GALNT16: variants seen among roughly 807,000 people sequenced by gnomAD.
GALNT16 encodes the protein polypeptide N-acetylgalactosaminyltransferase 16, also known as UDP-GalNAc:polypeptide N-acetylgalactosaminyltransferase-like protein 1.
A neutral mutation model predicts 76.1 loss-of-function variants in GALNT16; 40 were observed. The ratio of observed to expected loss-of-function variants is 0.53; its 90% confidence interval spans 0.41 to 0.68. GALNT16 has a LOEUF of 0.68. Ranked by LOEUF, GALNT16 falls within the 30% of genes least tolerant of loss-of-function variation. The pLI, the probability that GALNT16 is intolerant of heterozygous loss-of-function variation, is 0.00. For missense variants in GALNT16, 621 were observed against 731.9 expected (o/e 0.85, Z 1.75); for synonymous variants, 276 against 285.2 (o/e 0.97, Z 0.32).
At position 69,333,035 on chromosome 14, in the gene GALNT16, A is replaced by G. The variant is rs1345124126; in HGVS notation, c.779-50A>G. ...GGGTGGTGGAGTGAAGGGTCTCAGC[A>G]GCCCGCAGCTCTGCCCTGAGCTCTG... On this transcript the variant is annotated intron_variant, in intron 7 of 14. Transcript: ENST00000448469. This position sits in a 1 kb window ranked among gnomAD's most constrained non-coding sequence, Gnocchi z 4.2. 3 of 1,324,386 alleles carry G rather than the reference A, an allele frequency of 2.3e-6. No homozygotes were observed. Among genetic ancestry groups the G allele is most frequent in the South Asian group, 2.3e-5 (2 of 85,334 alleles). The allele number at this position is 1,324,386 out of a possible 1,614,324, so 82.0% of individuals were successfully genotyped here. A position where few individuals can be genotyped will look rare whatever the true frequency, so the allele number is the denominator to read the frequency against.
chr14:69,378,890 A>G, the GALNT16 span, among the ~76,000 whole-genome samples: 478 of 152,308 alleles, frequency 3.1e-3, 4 homozygotes, highest in African/African-American at 0.011. Flanking sequence ...AAACAGGACA[A>G]TCAGATTACT....
intron 14 of GALNT16, chr14:69,351,290 G>A (rs941973133): frequency 6.6e-6 from 1 of 152,268 alleles, no homozygotes. Flanking sequence ...GAGAAAAGTC[G>A]GGACCAGGCA....
At chr14:69,269,810 T>TTG (rs148660523) in intron 1 of GALNT16, among the ~76,000 whole-genome samples, 48 of 144,484 alleles carry the variant, frequency 3.3e-4, no homozygotes, top group Middle Eastern at 3.2e-3. Context: ...ATTTGTGTGT[T>TTG]TGTGTGTGTG....
At chr14:69,267,764 G>A (rs1015724071) in intron 1 of GALNT16, among the ~76,000 whole-genome samples, 3 of 152,114 alleles carry the variant, frequency 2.0e-5, no homozygotes, top group African/African-American at 7.2e-5. Context: ...GTTTCCTTAG[G>A]TGAGTCAGTC....
At chr14:69,365,510 A>C in the GALNT16 span, among the ~76,000 whole-genome samples, 1 of 152,190 alleles carries the variant, frequency 6.6e-6, no homozygotes, top group Non-Finnish European at 1.5e-5. Context: ...ATTCTCAGCA[A>C]ACTAATGCAG....
the GALNT16 span, among the ~76,000 whole-genome samples, chr14:69,365,884 T>C: frequency 2.2e-4 from 33 of 152,182 alleles, no homozygotes; most frequent in African/African-American, 7.7e-4. Flanking sequence ...GACACAGCAG[T>C]AGACAACATA....
In GALNT16 at chr14:69,342,943, G is replaced by A. The variant is rs1320645643; in HGVS notation, c.1271+1179G>A. On this transcript the variant is annotated intron_variant, in intron 12 of 14. Coordinates refer to ENST00000448469, the MANE Select transcript of GALNT16 (RefSeq NM_001168368.2). The stretch of plus-strand genomic sequence containing the variant: ...GTTCCTTGTAGCCGTTATTATCATC[G>A]GCATTATCTGGCCAATTAATTTTGT... 3.3e-5 allele frequency among the ~76,000 whole-genome samples: 5 copies of A among 152,086 alleles called. No individual in the cohort carries two copies. The East Asian group carries it at 5.8e-4, about 18-fold the overall frequency.
Position 69,261,925 on chromosome 14 carries a change from A to G in GALNT16, c.177+1458A>G, listed in dbSNP as rs1033978868. On this transcript the variant is annotated intron_variant, in intron 1 of 14. Coordinates refer to ENST00000448469, the MANE Select transcript of GALNT16 (RefSeq NM_001168368.2). This position sits in a 1 kb window ranked among gnomAD's most constrained non-coding sequence, Gnocchi z 6.4. ...TCTCCCAGGACACTGTTTCCAAAGC[A>G]CTTGTCGCCCTTTGGACAGAAAACT... Among the ~76,000 whole-genome samples the G allele has an allele frequency of 1.3e-5, 2 of 152,160 alleles. No individual in the cohort carries two copies. The highest frequency in any genetic ancestry group is 4.8e-5 in the African/African-American group (2 of 41,424).
At chr14:69,306,147 GT>G (rs1192727484) in intron 1 of GALNT16, among the ~76,000 whole-genome samples, 1 of 152,152 alleles carries the variant, frequency 6.6e-6, no homozygotes, top group African/African-American at 2.4e-5. Flanking sequence ...CCATACTGTT[GT>G]TTGATGACTG....
intron 1 of GALNT16, 80 bp from the exon 2 acceptor site, chr14:69,320,631 C>T (rs1358638292): frequency 5.5e-5 from 75 of 1,371,976 alleles, no homozygotes; most frequent in Non-Finnish European, 6.8e-5. Flanking sequence ...GGCTGGCTCC[C>T]GCCTGGTGTG....
intron 1 of GALNT16, among the ~76,000 whole-genome samples, chr14:69,319,807 G>GC (rs2045151275): frequency 6.6e-6 from 1 of 152,252 alleles, no homozygotes; most frequent in African/African-American, 2.4e-5. Flanking sequence ...GCAAGCAAAA[G>GC]TCCCAGAGAA....
rs35894482 is a variant in GALNT16, at chr14:69,285,040, C to CGTT, written c.177+24573_177+24574insGTT. On this transcript the variant is annotated intron_variant, in intron 1 of 14. Coordinates refer to ENST00000448469, the MANE Select transcript of GALNT16 (RefSeq NM_001168368.2). ...TATATGTTACCCAGTCTCGGGCACT[C>CGTT]TTTTTTTTTTTTTTTTTTGAGACGG... Among the ~76,000 whole-genome samples, 7 of 127,504 alleles carry CGTT rather than the reference C, an allele frequency of 5.5e-5. 1 individual carries two copies. Among genetic ancestry groups the CGTT allele is most frequent in the African/African-American group, 1.2e-4 (4 of 34,078 alleles). 83.6% of individuals were successfully genotyped at this position (127,504 alleles called of 152,430 possible). A position where few individuals can be genotyped will look rare whatever the true frequency, so the allele number is the denominator to read the frequency against.
rs1368483029 is a variant in GALNT16 at position 69,333,347 on chromosome 14, G to A, written c.864-150G>A. ...GAGGACAGAGGCCACGGGAACAGAT[G>A]TGGGGGGCCAGGGAGCTGGCCAGAC... On this transcript the variant is annotated intron_variant, in intron 8 of 14. Coordinates refer to ENST00000448469, the MANE Select transcript of GALNT16 (RefSeq NM_001168368.2). The surrounding 1 kb of genome is among the most constrained non-coding windows in gnomAD (Gnocchi z 4.2). The A allele has an allele frequency of 1.1e-5, 8 of 706,864 alleles. No individual in the cohort carries two copies. The highest frequency in any genetic ancestry group is 1.8e-5 in the Non-Finnish European group (7 of 398,904). 43.8% of individuals were successfully genotyped at this position (706,864 alleles called of 1,614,324 possible).
chr14:69,327,778 C>G (rs1043055270), intron 5 of GALNT16, among the ~76,000 whole-genome samples: 1 of 152,216 alleles, frequency 6.6e-6, no homozygotes, highest in African/African-American at 2.4e-5. Flanking sequence ...CCCTCCTGAC[C>G]AGGCAGGTCT....
Position 69,260,237 on chromosome 14 carries a change from G to A in GALNT16, c.-54G>A. On this transcript the variant is annotated 5_prime_UTR_variant, in exon 1 of 15. Transcript: ENST00000448469. ...CTGGGGCTGCGAGCGCCCCCGCCCC[G>A]GCCCCGAGAGCACGCCGGCCCAGTC... 2 of 1,293,436 alleles carry A rather than the reference G, an allele frequency of 1.5e-6. No individual in the cohort carries two copies. Among genetic ancestry groups the A allele is most frequent in the South Asian group, 2.3e-5 (2 of 85,942 alleles). 80.1% of individuals were successfully genotyped at this position (1,293,436 alleles called of 1,614,324 possible).
intron 1 of GALNT16, among the ~76,000 whole-genome samples, chr14:69,289,927 C>T (rs2044668034): frequency 6.6e-6 from 1 of 151,964 alleles, no homozygotes; most frequent in Non-Finnish European, 1.5e-5. Flanking sequence ...TTAATAGAGA[C>T]AGGGTTTCAC....
the GALNT16 span, among the ~76,000 whole-genome samples, chr14:69,386,224 T>C: frequency 2.6e-5 from 4 of 152,220 alleles, no homozygotes; most frequent in Non-Finnish European, 5.9e-5. Flanking sequence ...ATTCCATGAT[T>C]GGCTCCAGTG....
intron 1 of GALNT16, among the ~76,000 whole-genome samples, chr14:69,281,449 G>A (rs1188469042): frequency 1.3e-5 from 2 of 152,166 alleles, no homozygotes; most frequent in Admixed American, 6.5e-5. Context: ...CCCACTCAGA[G>A]TCCCCAAAGC....
At chr14:69,331,580 T>C (rs767363318) in intron 7 of GALNT16, 29 bp downstream of exon 7, 20 of 1,321,486 alleles carry the variant, frequency 1.5e-5, no homozygotes, top group East Asian at 9.2e-5. Context: ...GGTGGGGCTG[T>C]AGACATGAAA....
Sources: allele counts gnomAD v4.1 joint callset (sites outside exome capture counted in the v4.1 genomes callset), GRCh38; gene constraint gnomAD v4.1.1; non-coding constraint Gnocchi (gnomAD v3.1); transcripts MANE v1.5; gene names NCBI Gene and HGNC (gene_info 2026-07-23, HGNC 2026-07-21).